Variants in CTNNA3 observed in about 807,000 individuals in gnomAD.
The protein encoded by CTNNA3 is catenin alpha 3, also known as catenin alpha-3.
Under a neutral mutation model 95.7 loss-of-function variants are expected in CTNNA3, and 76 were observed. The ratio of observed to expected loss-of-function variants is 0.79; its 90% CI spans 0.66 to 0.96. The LOEUF is 0.96. Ranked by LOEUF, CTNNA3 falls within the 40% of genes least tolerant of loss-of-function variation. The pLI, the probability that CTNNA3 is intolerant of heterozygous loss-of-function variation, is 0.00. For missense variants in CTNNA3, 1,191 were observed against 1,089.8 expected (o/e 1.09, Z -1.31); for synonymous variants, 431 against 374.4 (o/e 1.15, Z -1.74).
intron 7 of CTNNA3, among the ~76,000 whole-genome samples, chr10:66,830,373 A>G (rs964208695): frequency 3.3e-5 from 5 of 152,188 alleles, no homozygotes; most frequent in African/African-American, 1.2e-4. Flanking sequence ...TTTCTTTCCT[A>G]GAGTTTTCTT....
intron 12 of CTNNA3, among the ~76,000 whole-genome samples, chr10:66,323,669 A>G (rs2092219114): frequency 7.1e-6 from 1 of 140,726 alleles, no homozygotes; most frequent in African/African-American, 2.6e-5. Flanking sequence ...AAAAAAAAAA[A>G]GAAGAAGAAG....
chr10:65,929,128 T>C (rs1046728443), intron 17 of CTNNA3, among the ~76,000 whole-genome samples: 8 of 151,662 alleles, frequency 5.3e-5, no homozygotes, highest in African/African-American at 1.9e-4. Flanking sequence ...ATGTGGTGTT[T>C]GGTTTTTTGT....
At chr10:66,336,399 C>G (rs2092396921) in intron 12 of CTNNA3, among the ~76,000 whole-genome samples, 1 of 152,026 alleles carries the variant, frequency 6.6e-6, no homozygotes. Flanking sequence ...TTCTTCTTAC[C>G]TAATTTGATT....
chr10:66,139,162 G>A (rs200909301), intron 13 of CTNNA3, among the ~76,000 whole-genome samples: 3 of 152,122 alleles, frequency 2.0e-5, no homozygotes, highest in Non-Finnish European at 4.4e-5. Context: ...ATGGCTGCAC[G>A]CTTAGGGATA....
At chr10:67,593,657 G>A (rs141582913) in intron 3 of CTNNA3, among the ~76,000 whole-genome samples, 216 of 152,274 alleles carry the variant, frequency 1.4e-3, no homozygotes, top group African/African-American at 5.1e-3. Flanking sequence ...GAGCCTCTGG[G>A]CAGAGACGAT....
chr10:67,647,860 T>C (rs1182810344), intron 1 of CTNNA3, among the ~76,000 whole-genome samples: 1 of 151,122 alleles, frequency 6.6e-6, no homozygotes, highest in Non-Finnish European at 1.5e-5. Context: ...TCAAGTCCTT[T>C]GGCTTCTGTG....
At chr10:67,377,310 A>G (rs1386154884) in intron 5 of CTNNA3, among the ~76,000 whole-genome samples, 2 of 152,200 alleles carry the variant, frequency 1.3e-5, no homozygotes, top group Non-Finnish European at 2.9e-5. Context: ...GAAGATGTAT[A>G]TTAAGGAAAG....
intron 6 of CTNNA3, among the ~76,000 whole-genome samples, chr10:67,202,327 A>G (rs2132214130): frequency 1.3e-5 from 2 of 152,288 alleles, no homozygotes; most frequent in African/African-American, 4.8e-5. Context: ...GACAGTAACA[A>G]AAGCCATAAG....
chr10:67,068,276 C>T (rs1856215441), intron 7 of CTNNA3, among the ~76,000 whole-genome samples: 1 of 152,102 alleles, frequency 6.6e-6, no homozygotes, highest in Non-Finnish European at 1.5e-5. Context: ...TCCAAAATAG[C>T]TCCAAGGCTG....
chr10:67,244,257 A>G (rs1589078365), intron 5 of CTNNA3, among the ~76,000 whole-genome samples: 1 of 152,302 alleles, frequency 6.6e-6, no homozygotes, highest in African/African-American at 2.4e-5. Flanking sequence ...CACTTATAAG[A>G]AGGTGTGTCT....
chr10:66,951,396 A>G (rs1848533304), intron 7 of CTNNA3, among the ~76,000 whole-genome samples: 1 of 152,206 alleles, frequency 6.6e-6, no homozygotes, highest in Non-Finnish European at 1.5e-5. Flanking sequence ...GATTACAGGC[A>G]TAAGCCACCA....
At chr10:67,260,792 C>G (rs1276146639) in intron 5 of CTNNA3, among the ~76,000 whole-genome samples, 1 of 151,934 alleles carries the variant, frequency 6.6e-6, no homozygotes, top group Admixed American at 6.6e-5. Context: ...TCAAGCGATT[C>G]TCTCGCCTCA....
At position 66,316,769 on chromosome 10, in the gene CTNNA3, A is replaced by G. The variant is rs531994095; in HGVS notation, c.1733-36148T>C. On this transcript the variant is annotated intron_variant, in intron 12 of 17. Coordinates refer to ENST00000433211, the MANE Select transcript of CTNNA3 (RefSeq NM_013266.4). ...TTGAACAAAATGATATTATTCAAGGACCTGCTATATTTAACTTCTAATACT... is the reference window on the plus strand; with the variant it reads ...TTGAACAAAATGATATTATTCAAGGGCCTGCTATATTTAACTTCTAATACT... 3.2e-4 allele frequency among the ~76,000 whole-genome samples: 49 copies of G among 152,218 alleles called. 1 individual carries two copies. In the Middle Eastern group the frequency reaches 0.017, roughly 53 times the overall value.
intron 1 of CTNNA3, among the ~76,000 whole-genome samples, chr10:67,754,306 G>A (rs527768982): frequency 6.6e-6 from 1 of 152,244 alleles, no homozygotes; most frequent in South Asian, 2.1e-4. Context: ...GAGCCTATCG[G>A]GGGGGCGTTG....
chr10:67,175,048 C>T (rs1307838474), intron 7 of CTNNA3, among the ~76,000 whole-genome samples: 1 of 103,394 alleles, frequency 9.7e-6, no homozygotes, highest in Non-Finnish European at 1.8e-5. Context: ...GTGATAATGA[C>T]AATTCTCATA....
At chr10:66,586,490 C>T (rs1843364761) in intron 10 of CTNNA3, among the ~76,000 whole-genome samples, 3 of 152,104 alleles carry the variant, frequency 2.0e-5, no homozygotes, top group Admixed American at 6.5e-5. Flanking sequence ...TCAGATCAAA[C>T]AGGTATCTCT....
chr10:67,216,453 G>T (rs74142440), intron 6 of CTNNA3, among the ~76,000 whole-genome samples: 6,107 of 151,906 alleles, frequency 0.04, 153 homozygotes, highest in South Asian at 0.088. Flanking sequence ...GGAGGAAGGA[G>T]AAAAAAATAA....
Position 66,302,037 on chromosome 10 carries a change from TA to T in CTNNA3, c.1733-21417del, listed in dbSNP as rs1301631382. On this transcript the variant is annotated intron_variant, in intron 12 of 17. Transcript: ENST00000433211. The stretch of plus-strand genomic sequence containing the variant: ...TTCTTATACACCAGCAATGAAAAAC[TA>T]AAATTTGAAATTAAAAACACAATGC... 2.0e-5 allele frequency among the ~76,000 whole-genome samples: 3 copies of T among 151,962 alleles called. No individual in the cohort carries two copies. The East Asian group carries it at 5.8e-4, about 29-fold the overall frequency.
chr10:67,134,541 G>T (rs1312199197), intron 7 of CTNNA3, among the ~76,000 whole-genome samples: 2 of 152,206 alleles, frequency 1.3e-5, no homozygotes, highest in African/African-American at 4.8e-5. Context: ...GGAGCTGGTG[G>T]ATTCCTCAAT....
Sources: allele counts gnomAD v4.1 joint callset (sites outside exome capture counted in the v4.1 genomes callset), GRCh38; gene constraint gnomAD v4.1.1; transcripts MANE v1.5; gene names NCBI Gene and HGNC (gene_info 2026-07-23, HGNC 2026-07-21).